Variants in RAD51B observed in about 807,000 individuals in gnomAD.
RAD51B encodes the protein RAD51 paralog B.
Under a neutral mutation model 42.2 loss-of-function variants are expected in RAD51B, and 38 were observed. The ratio of observed to expected loss-of-function variants is 0.90; its 90% CI spans 0.70 to 1.18. The LOEUF is 1.18. Ranked by LOEUF, RAD51B falls within the 50% of genes most tolerant of loss-of-function variation. The probability of loss-of-function intolerance (pLI) is 0.00; values close to 1 mark genes in which losing one functional copy is unlikely to be tolerated. For missense variants in RAD51B, 373 were observed against 400.7 expected (o/e 0.93, Z 0.59); for synonymous variants, 154 against 145.2 (o/e 1.06, Z -0.43).
chr14:68,563,867 C>T, intron 10 of RAD51B: 1 of 985,454 alleles, frequency 1.0e-6, no homozygotes, highest in South Asian at 4.7e-5. Context: ...CGATCCCTGG[C>T]AAGCCTGTGC....
At chr14:68,156,640 T>C (rs757340291) in intron 7 of RAD51B, among the ~76,000 whole-genome samples, 3 of 152,192 alleles carry the variant, frequency 2.0e-5, no homozygotes, top group Non-Finnish European at 4.4e-5. Flanking sequence ...AATGGGGTCA[T>C]GTACACTGTG....
chr14:68,076,559 C>T lies in RAD51B; in HGVS notation c.756+189355C>T, dbSNP rs117245936. 6.6e-3 allele frequency among the ~76,000 whole-genome samples: 1,004 copies of T among 152,214 alleles called. 9 individuals carry two copies. The highest frequency in any genetic ancestry group is 0.024 in the Middle Eastern group (7 of 294). ...GTTACAGGAAGGTGGATTTTTAGATCTATCTAAAAAAGGACCAAGAAATTA... is the reference window on the plus strand; with the variant it reads ...GTTACAGGAAGGTGGATTTTTAGATTTATCTAAAAAAGGACCAAGAAATTA... On this transcript the variant is annotated intron_variant, in intron 7 of 10. Transcript: ENST00000471583.
At chr14:68,106,237 T>C (rs2077375133) in intron 7 of RAD51B, among the ~76,000 whole-genome samples, 1 of 151,924 alleles carries the variant, frequency 6.6e-6, no homozygotes, top group Admixed American at 6.6e-5. Flanking sequence ...TAGCTTGACA[T>C]ATTTGTGGGG....
chr14:68,170,468 C>A (rs931314574), intron 7 of RAD51B, among the ~76,000 whole-genome samples: 5 of 152,196 alleles, frequency 3.3e-5, no homozygotes, highest in East Asian at 1.9e-4. Context: ...ATTACTAATT[C>A]TTTTTCCAAT....
intron 7 of RAD51B, among the ~76,000 whole-genome samples, chr14:67,956,888 T>C (rs771216233): frequency 4.6e-5 from 7 of 152,260 alleles, no homozygotes; most frequent in Non-Finnish European, 1.0e-4. Context: ...ATTTCCATTA[T>C]TGTAGAAACT....
intron 7 of RAD51B, among the ~76,000 whole-genome samples, chr14:68,026,522 G>A (rs2075959304): frequency 6.6e-6 from 1 of 151,788 alleles, no homozygotes; most frequent in Non-Finnish European, 1.5e-5. Context: ...TATGAATCTC[G>A]GTGCTCCAGT....
At chr14:68,433,014 G>T (rs2085052058) in intron 9 of RAD51B, among the ~76,000 whole-genome samples, 1 of 152,124 alleles carries the variant, frequency 6.6e-6, no homozygotes, top group South Asian at 2.1e-4. Context: ...ATGAAGCTTA[G>T]TTTGGCTGGA....
chr14:68,061,270 T>C (rs1351700386), intron 7 of RAD51B, among the ~76,000 whole-genome samples: 7 of 152,040 alleles, frequency 4.6e-5, no homozygotes, highest in Non-Finnish European at 8.8e-5. Flanking sequence ...GGTTTCACTA[T>C]GTTGGCCAGG....
chr14:67,995,279 C>T (rs1169694552), intron 7 of RAD51B, among the ~76,000 whole-genome samples: 4 of 151,742 alleles, frequency 2.6e-5, no homozygotes, highest in East Asian at 1.9e-4. Context: ...CCCAGCTACT[C>T]GGGAGGCTGA....
chr14:68,422,107 T>A, intron 9 of RAD51B: 2 of 1,473,650 alleles, frequency 1.4e-6, no homozygotes, highest in Non-Finnish European at 1.9e-6. Flanking sequence ...CTGCTGTCTT[T>A]GGGATCTTGT....
At chr14:68,462,079 C>T (rs1268212550) in intron 9 of RAD51B, among the ~76,000 whole-genome samples, 1 of 152,158 alleles carries the variant, frequency 6.6e-6, no homozygotes, top group African/African-American at 2.4e-5. Context: ...CTGCTGAGTC[C>T]CACTGAAAAT....
At chr14:67,965,577 G>A (rs2074758424) in intron 7 of RAD51B, among the ~76,000 whole-genome samples, 1 of 151,938 alleles carries the variant, frequency 6.6e-6, no homozygotes, top group South Asian at 2.1e-4. Flanking sequence ...GTCATGCCAG[G>A]GTTTCAGAGT....
At chr14:68,572,149 G>A (rs941624988) in intron 10 of RAD51B, among the ~76,000 whole-genome samples, 1 of 152,194 alleles carries the variant, frequency 6.6e-6, no homozygotes, top group Non-Finnish European at 1.5e-5. Flanking sequence ...AGGGATGTTT[G>A]TAATCTACAA....
At chr14:68,457,882 G>A (rs891201353) in intron 9 of RAD51B, among the ~76,000 whole-genome samples, 3 of 149,658 alleles carry the variant, frequency 2.0e-5, no homozygotes, top group African/African-American at 7.4e-5. Context: ...CAAAGTGCTG[G>A]GATTACAGGC....
chr14:68,243,337 T>A (rs2080431467), intron 7 of RAD51B, among the ~76,000 whole-genome samples: 1 of 152,236 alleles, frequency 6.6e-6, no homozygotes, highest in African/African-American at 2.4e-5. Flanking sequence ...TAAACTTTTT[T>A]ATATTATGCA....
At chr14:68,375,832 ATGT>A (rs893406690) in intron 8 of RAD51B, among the ~76,000 whole-genome samples, 1 of 152,136 alleles carries the variant, frequency 6.6e-6, no homozygotes, top group Non-Finnish European at 1.5e-5. Context: ...GATTTTTGAA[ATGT>A]TGTCAACAAC....
chr14:68,296,148 C>A (rs2081609601), intron 8 of RAD51B, among the ~76,000 whole-genome samples: 1 of 152,164 alleles, frequency 6.6e-6, no homozygotes, highest in Admixed American at 6.5e-5. Flanking sequence ...CAGAATTAAA[C>A]CCTATCATTG....
At chr14:68,060,381 T>C (rs2076548507) in intron 7 of RAD51B, among the ~76,000 whole-genome samples, 1 of 152,222 alleles carries the variant, frequency 6.6e-6, no homozygotes, top group Non-Finnish European at 1.5e-5. Flanking sequence ...GCTAGTTATA[T>C]GTGAGCCTCT....
At chr14:68,610,625 T>G (rs1455477930) in intron 10 of RAD51B, among the ~76,000 whole-genome samples, 1 of 152,260 alleles carries the variant, frequency 6.6e-6, no homozygotes, top group Non-Finnish European at 1.5e-5. Flanking sequence ...CTCCCAGAAC[T>G]GACCCTCTGC....
Sources: gnomAD v4.1 joint callset for allele counts (sites outside exome capture counted in the v4.1 genomes callset) on GRCh38, gnomAD v4.1.1 for gene constraint, MANE v1.5 for transcripts, NCBI Gene and HGNC (gene_info 2026-07-23, HGNC 2026-07-21) for gene names.